Variants in RNF111 observed in about 807,000 individuals in gnomAD.
The protein encoded by RNF111 is ring finger protein 111.
RNF111 carries 17 observed loss-of-function variants against 95.1 expected under a neutral mutation model. That is an observed-to-expected ratio of 0.18 (90% CI 0.12 to 0.27). RNF111 has a LOEUF of 0.27. Among genes scored for constraint, RNF111 ranks in the 10% least tolerant of loss-of-function variants. RNF111 has a pLI of 1.00. For missense variants in RNF111, 1,189 were observed against 1,210.4 expected (o/e 0.98, Z 0.26); for synonymous variants, 440 against 414.8 (o/e 1.06, Z -0.74).
chr15:59,052,488 A>C, intron 3 of RNF111, 57 bp downstream of exon 3: 1 of 1,259,196 alleles, frequency 7.9e-7, no homozygotes. Flanking sequence ...TATTAAACAT[A>C]TTTGTGCTGC....
At chr15:59,071,142 A>C (rs1218479628) in intron 6 of RNF111, among the ~76,000 whole-genome samples, 1 of 151,386 alleles carries the variant, frequency 6.6e-6, no homozygotes, top group Admixed American at 6.6e-5. Context: ...CTAAGTATAC[A>C]AAAAAAGTAG....
intron 6 of RNF111, among the ~76,000 whole-genome samples, chr15:59,067,548 G>T (rs2042720110): frequency 6.6e-6 from 1 of 152,106 alleles, no homozygotes; most frequent in Admixed American, 6.6e-5. Context: ...TAATTTAGTG[G>T]TCTGTAGTTT....
chr15:59,069,630 G>T (rs2042820966), intron 6 of RNF111, among the ~76,000 whole-genome samples: 1 of 152,098 alleles, frequency 6.6e-6, no homozygotes, highest in African/African-American at 2.4e-5. Flanking sequence ...AGAAGAATCA[G>T]CAGGATCACA....
intron 6 of RNF111, among the ~76,000 whole-genome samples, chr15:59,067,663 A>C (rs559704383): frequency 3.0e-4 from 45 of 152,336 alleles, no homozygotes; most frequent in African/African-American, 1.0e-3. Context: ...TCTAAAAATC[A>C]CTTTTTAAAA....
chr15:59,010,284 T>A (rs1157583239), intron 1 of RNF111, among the ~76,000 whole-genome samples: 1 of 152,218 alleles, frequency 6.6e-6, no homozygotes, highest in Admixed American at 6.5e-5. Flanking sequence ...ATAAATAGTA[T>A]TTTATGAAAA....
intron 1 of RNF111, among the ~76,000 whole-genome samples, chr15:58,992,109 A>G (rs1185398227): frequency 6.6e-6 from 1 of 152,132 alleles, no homozygotes; most frequent in Admixed American, 6.5e-5. Flanking sequence ...CAGTGGTGTG[A>G]TCTCAGCTCA....
intron 2 of RNF111, among the ~76,000 whole-genome samples, chr15:59,035,259 G>A (rs2041118826): frequency 6.6e-6 from 1 of 152,162 alleles, no homozygotes; most frequent in Admixed American, 6.5e-5. Context: ...GATACAGCCA[G>A]ACCATATCAT....
intron 5 of RNF111, among the ~76,000 whole-genome samples, chr15:59,066,476 G>A (rs2142075141): frequency 6.6e-6 from 1 of 152,202 alleles, no homozygotes; most frequent in South Asian, 2.1e-4. Flanking sequence ...TGGGCGTGGT[G>A]GTGCATGCCT....
rs145042466 is a variant in RNF111, at chr15:58,988,987, C to T, written c.-20+919C>T. On this transcript the variant is annotated intron_variant, in intron 1 of 13. Coordinates refer to ENST00000348370, the MANE Select transcript of RNF111 (RefSeq NM_017610.8). Reference sequence around the variant, plus strand: ...TCTATAATTTTCTTGTTTTAGGGGCCTCTTGAACTAAAAAGAACAAACTGG... The same window carrying T: ...TCTATAATTTTCTTGTTTTAGGGGCTTCTTGAACTAAAAAGAACAAACTGG... 4.4e-3 allele frequency among the ~76,000 whole-genome samples: 670 copies of T among 152,186 alleles called. 3 individuals are homozygous for T. The highest frequency in any genetic ancestry group is 7.6e-3 in the Non-Finnish European group (515 of 67,994).
intron 1 of RNF111, among the ~76,000 whole-genome samples, chr15:59,010,350 C>G (rs1190586396): frequency 6.6e-6 from 1 of 152,124 alleles, no homozygotes; most frequent in African/African-American, 2.4e-5. Context: ...GCAGCTGTGT[C>G]TGTCTTGATA....
chr15:59,068,019 G>A (rs768819504), intron 6 of RNF111, among the ~76,000 whole-genome samples: 6 of 152,162 alleles, frequency 3.9e-5, no homozygotes, highest in East Asian at 1.9e-4. Flanking sequence ...TGGCAATCAC[G>A]TGGAGTAAAA....
At position 59,032,072 on chromosome 15, in the gene RNF111, A is replaced by G. The variant is rs529094468; in HGVS notation, c.880+370A>G. Among the ~76,000 whole-genome samples, 9 of 152,076 alleles carry G rather than the reference A, an allele frequency of 5.9e-5. No homozygotes were observed. The South Asian group carries it at 1.9e-3, about 31-fold the overall frequency. ...TCCTGCGTCAGCCTCCCAAGTAGCC[A>G]GGATTACAGGTGCCCACCACCATGC... On this transcript the variant is annotated intron_variant, in intron 2 of 13. Transcript: ENST00000348370.
At chr15:59,020,441 A>C (rs1354795738) in intron 1 of RNF111, among the ~76,000 whole-genome samples, 1 of 151,836 alleles carries the variant, frequency 6.6e-6, no homozygotes, top group South Asian at 2.1e-4. Flanking sequence ...AAAAGAACTG[A>C]CTCCCAGATA....
At chr15:59,003,479 A>G (rs1477647255) in intron 1 of RNF111, among the ~76,000 whole-genome samples, 3 of 151,480 alleles carry the variant, frequency 2.0e-5, no homozygotes, top group Non-Finnish European at 4.4e-5. Flanking sequence ...GCTTACTGCA[A>G]CCTCCACCTC....
intron 1 of RNF111, among the ~76,000 whole-genome samples, chr15:59,021,012 C>T (rs1227630255): frequency 2.0e-5 from 3 of 152,188 alleles, no homozygotes; most frequent in Non-Finnish European, 2.9e-5. Context: ...TTGGTGCACC[C>T]ATCACCTGAG....
Position 59,031,444 on chromosome 15 carries a change from C to T in RNF111, c.622C>T (p.Arg208Trp), listed in dbSNP as rs201440226. ...ACCCTGTTTACATGGCAGTTCGTTA[C>T]GGAGACTTCCATGCAGAAAGAGATT... The part of the protein sequence containing the change: ...KRPCLHGSSL[R>W]RLPCRKRFVK... The change falls in exon 2 of 14, where the codon CGG becomes TGG. Residue 208 changes from arginine to tryptophan, a missense_variant. By Grantham distance (101) the Arg-to-Trp change is moderately radical. Around this residue, in one of 2 missense-constraint regions of RNF111, gnomAD observed 1,024 missense variants for 925.9 expected, o/e 1.11. Transcript: ENST00000348370. The T allele has an allele frequency of 1.4e-4, 221 of 1,614,014 alleles. No individual in the cohort carries two copies. Among genetic ancestry groups the T allele is most frequent in the Non-Finnish European group, 1.7e-4 (201 of 1,180,028 alleles).
rs1004466844 is a variant in RNF111 at position 59,084,138 on chromosome 15, T to A, written c.2307T>A (p.His769Gln). ...TGTTCTGTGTTTCCAGGCGGGCACA[T>A]GAACGCCCCCCACCCCATCCACATA... ...RRMMQHPTRA[H>Q]ERPPPHPHRM... The change falls in exon 9 of 14, where the codon CAT (histidine) becomes CAA (glutamine). Residue 769 changes from histidine to glutamine, a missense_variant. By Grantham distance (24) the His-to-Gln change is conservative (BLOSUM62 0). Around this residue, in one of 2 missense-constraint regions of RNF111, gnomAD observed 165 missense variants for 284.6 expected, o/e 0.58. Transcript: ENST00000348370. 1.3e-6 allele frequency: 2 copies of A among 1,590,362 alleles called. No individual in the cohort carries two copies. Among genetic ancestry groups the A allele is most frequent in the Non-Finnish European group, 1.7e-6 (2 of 1,168,772 alleles).
chr15:59,019,477 G>A (rs2040227474), intron 1 of RNF111, among the ~76,000 whole-genome samples: 1 of 152,018 alleles, frequency 6.6e-6, no homozygotes, highest in South Asian at 2.1e-4. Context: ...CCAGAAATGA[G>A]GTCTCTCGCT....
chr15:59,016,323 C>T (rs1330250064), intron 1 of RNF111, among the ~76,000 whole-genome samples: 3 of 152,010 alleles, frequency 2.0e-5, no homozygotes, highest in African/African-American at 7.2e-5. Flanking sequence ...GCACGCACCA[C>T]CACGCCCAGC....
Sources: allele counts gnomAD v4.1 joint callset (sites outside exome capture counted in the v4.1 genomes callset), GRCh38; gene constraint gnomAD v4.1.1; regional missense constraint gnomAD v4.1.1; transcripts MANE v1.5; gene names NCBI Gene and HGNC (gene_info 2026-07-23, HGNC 2026-07-21).